The following NECAP2 variants were observed in gnomAD, a reference collection of about 807,000 sequenced individuals.
The protein encoded by NECAP2 is adaptin ear-binding coat-associated protein 2.
In NECAP2, 38 loss-of-function variants were observed where a neutral mutation model predicts 37.8. The ratio of observed to expected loss-of-function variants is 1.01; its 90% CI spans 0.78 to 1.32. The LOEUF is 1.32. Ranked by LOEUF, NECAP2 falls within the 40% of genes most tolerant of loss-of-function variation. The pLI, the probability that NECAP2 is intolerant of heterozygous loss-of-function variation, is 0.00. For synonymous variants in NECAP2, 121 were observed against 127.7 expected, an observed-to-expected ratio of 0.95 and a Z score of 0.35; for missense variants, 316 against 334.5, an observed-to-expected ratio of 0.94 and a Z score of 0.43.
rs1430301217 is a variant in NECAP2 at position 16,451,679 on chromosome 1, C to G, written c.490-159C>G. On this transcript the variant is annotated intron_variant, in intron 5 of 7. Coordinates refer to ENST00000337132, the MANE Select transcript of NECAP2 (RefSeq NM_018090.5). ...GTGAGAGATTCAGAATGATGATGCA[C>G]TAAGTATAGCTCATAGCAATGGAGG... The G allele has an allele frequency of 1.3e-5, 9 of 690,862 alleles. No homozygotes were observed. The Admixed American group carries it at 1.7e-4, about 13-fold the overall frequency. 42.8% of individuals were successfully genotyped at this position (690,862 alleles called of 1,614,324 possible).
Position 16,443,801 on chromosome 1 carries a change from G to C in NECAP2, c.193+69G>C, listed in dbSNP as rs150860337. On this transcript the variant is annotated intron_variant, in intron 2 of 7. Coordinates refer to ENST00000337132, the MANE Select transcript of NECAP2 (RefSeq NM_018090.5). Reference sequence around the variant, plus strand: ...ACTTTATGAAGGGAGAGGTGGCCTGGTCTGGCCAGGCTGCTCAGGGGTCAT... The same window carrying C: ...ACTTTATGAAGGGAGAGGTGGCCTGCTCTGGCCAGGCTGCTCAGGGGTCAT... 470 of 1,272,906 alleles carry C rather than the reference G, an allele frequency of 3.7e-4. 1 individual carries two copies. In the African/African-American group the frequency reaches 5.8e-3, roughly 16 times the overall value. The allele number at this position is 1,272,906 out of a possible 1,614,324, so 78.9% of individuals were successfully genotyped here.
chr1:16,456,011 G>C, intron 7 of NECAP2, 118 bp downstream of exon 7: 1 of 691,166 alleles, frequency 1.4e-6, no homozygotes, highest in Non-Finnish European at 2.4e-6. Flanking sequence ...TTTTAATTTG[G>C]ATGTTTTCTT....
chr1:16,451,935 C>G lies in NECAP2; in HGVS notation c.587C>G (p.Thr196Ser). 1 of 1,613,822 alleles carries G rather than the reference C, an allele frequency of 6.2e-7. No individual in the cohort carries two copies. Among genetic ancestry groups the G allele is most frequent in the Non-Finnish European group, 8.5e-7 (1 of 1,179,818 alleles). Residue 196 changes from threonine (T) to serine (S), a missense_variant, in exon 6 of 8, where the codon ACC becomes AGC. Physicochemically the swap from Thr to Ser is moderately conservative, Grantham distance 58. This residue lies in a region of NECAP2 where 204 missense variants were observed against 188.6 expected (regional missense o/e 1.08). Coordinates refer to ENST00000337132, the MANE Select transcript of NECAP2 (RefSeq NM_018090.5). ...SLLPPPPGGK[T>S]STLIPPPGEQ... ...CTTCCCCCTCCCCCAGGGGGGAAAA[C>G]CTCCACCCTGATCCCTCCCCCTGGG...
chr1:16,443,073 C>T (rs184326943), intron 1 of NECAP2, among the ~76,000 whole-genome samples: 1 of 152,286 alleles, frequency 6.6e-6, no homozygotes, highest in Non-Finnish European at 1.5e-5. Flanking sequence ...AAGATAGTCT[C>T]ACTGGTCTCA....
At chr1:16,448,024 C>T (rs1320616607) in intron 3 of NECAP2, 36 bp from the exon 4 acceptor site, 1 of 1,613,810 alleles carries the variant, frequency 6.2e-7, no homozygotes, top group Admixed American at 1.7e-5. Context: ...TTTTCTCTGC[C>T]TTTGGAAGGT....
chr1:16,448,838 A>G (rs2086800551), intron 4 of NECAP2, among the ~76,000 whole-genome samples: 1 of 152,178 alleles, frequency 6.6e-6, no homozygotes, highest in Non-Finnish European at 1.5e-5. Context: ...ATCTCGCTGC[A>G]TTCGTAGCCA....
chr1:16,450,901 T>C (rs2086832662), intron 5 of NECAP2: 1 of 152,182 alleles, frequency 6.6e-6, no homozygotes, highest in Non-Finnish European at 1.5e-5. Context: ...TGAGCTGAGA[T>C]CGAGCCATTC....
intron 1 of NECAP2, 59 bp downstream of exon 1, chr1:16,440,912 A>G: frequency 6.9e-7 from 1 of 1,453,824 alleles, no homozygotes; most frequent in South Asian, 1.1e-5. Context: ...CGCCACCCGG[A>G]CACACCCACT....
At chr1:16,452,103 C>A in intron 6 of NECAP2, 88 bp downstream of exon 6, 5 of 1,338,030 alleles carry the variant, frequency 3.7e-6, no homozygotes, top group Non-Finnish European at 5.1e-6. Flanking sequence ...CCCCCCGTTA[C>A]ACACATGGAT....
At position 16,451,999 on chromosome 1, in the gene NECAP2, AGTTG is replaced by A; in HGVS notation, c.652_655del (p.Val218LeufsTer81). Reference sequence around the variant, plus strand: ...TGGGGGGATCCCTCGTCCAGCCAGCAGTTGCTCCCAGTTCAGGTTAGTGCTCAGT... The same window carrying A: ...TGGGGGGATCCCTCGTCCAGCCAGCACTCCCAGTTCAGGTTAGTGCTCAGT... On this transcript the variant is annotated frameshift_variant, in exon 6 of 8. Coordinates refer to ENST00000337132, the MANE Select transcript of NECAP2 (RefSeq NM_018090.5). LOFTEE classifies it high-confidence loss of function. 6.3e-7 allele frequency: 1 copy of A among 1,594,456 alleles called. No homozygotes were observed. Among genetic ancestry groups the A allele is most frequent in the Non-Finnish European group, 8.5e-7 (1 of 1,170,228 alleles).
Position 16,440,738 on chromosome 1 carries a change from G to A in NECAP2, c.-24G>A. 6.2e-7 allele frequency: 1 copy of A among 1,609,744 alleles called. No homozygotes were observed. Among genetic ancestry groups the A allele is most frequent in the Non-Finnish European group, 8.5e-7 (1 of 1,176,134 alleles). The stretch of plus-strand genomic sequence containing the variant: ...AGAGGAACGGTGGAAGTCGCCGGAA[G>A]TTCGGTGGGCTCCAGGCGTCGCGAT... On this transcript the variant is annotated 5_prime_UTR_variant, in exon 1 of 8. Coordinates refer to ENST00000337132, the MANE Select transcript of NECAP2 (RefSeq NM_018090.5).
rs927913781 is a variant in NECAP2 at position 16,440,961 on chromosome 1, G to T, written c.92+108G>T. 1.7e-5 allele frequency: 15 copies of T among 870,068 alleles called. No individual in the cohort carries two copies. In the Admixed American group the frequency reaches 1.8e-4, roughly 11 times the overall value. The allele number at this position is 870,068 out of a possible 1,614,324, so 53.9% of individuals were successfully genotyped here. A position where few individuals can be genotyped will look rare whatever the true frequency, so the allele number is the denominator to read the frequency against. ...ACAGCCCTGGCCAGTTTTGGGGCGA[G>T]GGGGAGCTAATGCTGCTGCTTCTTC... On this transcript the variant is annotated intron_variant, in intron 1 of 7. Transcript: ENST00000337132.
chr1:16,442,653 T>A (rs180899140), intron 1 of NECAP2, among the ~76,000 whole-genome samples: 32 of 152,324 alleles, frequency 2.1e-4, no homozygotes, highest in Middle Eastern at 6.8e-3. Flanking sequence ...AACAGCTGGC[T>A]GTGGTGGCTC....
intron 5 of NECAP2, 21 bp downstream of exon 5, chr1:16,449,222 G>A: frequency 6.4e-7 from 1 of 1,569,350 alleles, no homozygotes; most frequent in African/African-American, 1.3e-5. Context: ...CCCTTGCTTG[G>A]CTGTGGTGAC....
chr1:16,455,438 C>A (rs946449926), intron 6 of NECAP2: 1 of 202,068 alleles, frequency 4.9e-6, no homozygotes, highest in East Asian at 1.2e-4. Context: ...GGACATTCTC[C>A]GTTCAAGAAG....
chr1:16,449,954 G>T (rs372556724), intron 5 of NECAP2: 1 of 292,674 alleles, frequency 3.4e-6, no homozygotes, highest in African/African-American at 2.3e-5. Context: ...AGTCATGATT[G>T]CGGGGACCCA....
At position 16,451,862 on chromosome 1, in the gene NECAP2, G is replaced by C. The variant is rs763040788; in HGVS notation, c.514G>C (p.Ala172Pro). 3 of 1,614,104 alleles carry C rather than the reference G, an allele frequency of 1.9e-6. No homozygotes were observed. The highest frequency in any genetic ancestry group is 1.7e-6 in the Non-Finnish European group (2 of 1,179,988). The change falls in exon 6 of 8, where the codon GCT becomes CCT. Residue 172 changes from alanine to proline, a missense_variant. Around this residue, in one of 3 missense-constraint regions of NECAP2, gnomAD observed 204 missense variants for 188.6 expected, o/e 1.08. Coordinates refer to ENST00000337132, the MANE Select transcript of NECAP2 (RefSeq NM_018090.5). ...IANMKKKEGAAGNPRVRPAST... is the reference protein window; with the variant it reads ...IANMKKKEGAPGNPRVRPAST... ...GAACATGAAGAAGAAGGAAGGAGCA[G>C]CTGGGAATCCCCGAGTCCGGCCTGC...
In NECAP2 at chr1:16,440,794, T is replaced by G. The variant is rs754682275; in HGVS notation, c.33T>G (p.Cys11Trp). Residue 11 changes from cysteine (C) to tryptophan (W), a missense_variant, in exon 1 of 8, where the codon TGT becomes TGG. Physicochemically the swap from Cys to Trp is radical, Grantham distance 215. Coordinates refer to ENST00000337132, the MANE Select transcript of NECAP2 (RefSeq NM_018090.5). Reference sequence around the variant, plus strand: ...AGAGCGGGTACGAGTCGGTGCTCTGTGTCAAGCCTGACGTCCACGTCTACC... The same window carrying G: ...AGAGCGGGTACGAGTCGGTGCTCTGGGTCAAGCCTGACGTCCACGTCTACC... The part of the protein sequence containing the change: MEESGYESVL[C>W]VKPDVHVYRI... 2.5e-6 allele frequency: 4 copies of G among 1,614,064 alleles called. No individual in the cohort carries two copies. Among genetic ancestry groups the G allele is most frequent in the Non-Finnish European group, 3.4e-6 (4 of 1,180,024 alleles).
At chr1:16,456,527 C>A (rs960682202) in intron 7 of NECAP2, among the ~76,000 whole-genome samples, 1 of 152,174 alleles carries the variant, frequency 6.6e-6, no homozygotes, top group African/African-American at 2.4e-5. Flanking sequence ...CCATCCCCCA[C>A]CTTCCCCAAA....
Sources: allele counts gnomAD v4.1 joint callset (sites outside exome capture counted in the v4.1 genomes callset), GRCh38; gene constraint gnomAD v4.1.1; regional missense constraint gnomAD v4.1.1; transcripts MANE v1.5; gene names NCBI Gene and HGNC (gene_info 2026-07-23, HGNC 2026-07-21).